CPED1: variants seen among roughly 807,000 people sequenced by gnomAD.
CPED1 encodes cadherin like and PC-esterase domain containing 1.
Under a neutral mutation model 128.2 loss-of-function variants are expected in CPED1, and 114 were observed. The ratio of observed to expected loss-of-function variants is 0.89; its 90% CI spans 0.76 to 1.04. The LOEUF is 1.04. Ranked by LOEUF, CPED1 falls within the 50% of genes least tolerant of loss-of-function variation. CPED1 has a pLI of 0.00. For missense variants in CPED1, 1,211 were observed against 1,207.1 expected (o/e 1.00, Z -0.05); for synonymous variants, 462 against 426.7 (o/e 1.08, Z -1.02).
At chr7:121,182,813 A>G (rs895539661) in intron 16 of CPED1, among the ~76,000 whole-genome samples, 3 of 152,048 alleles carry the variant, frequency 2.0e-5, no homozygotes, top group African/African-American at 7.2e-5. Flanking sequence ...TCACTGTGTC[A>G]TTGCGAACAT....
At chr7:121,041,412 G>A (rs1243300048) in intron 3 of CPED1, among the ~76,000 whole-genome samples, 1 of 151,898 alleles carries the variant, frequency 6.6e-6, no homozygotes, top group Non-Finnish European at 1.5e-5. Flanking sequence ...TCTGTGAGAT[G>A]GTGGTAAACA....
chr7:121,117,077 TTA>T (rs34007948), intron 7 of CPED1, among the ~76,000 whole-genome samples: 32,466 of 128,612 alleles, frequency 0.25, 4,203 homozygotes, highest in Middle Eastern at 0.38. Flanking sequence ...TATATACACA[TTA>T]TATATATATA....
At chr7:121,197,377 C>A (rs956522980) in intron 16 of CPED1, among the ~76,000 whole-genome samples, 13 of 152,112 alleles carry the variant, frequency 8.5e-5, no homozygotes, top group Admixed American at 8.5e-4. Flanking sequence ...ATGACTGCTG[C>A]TATGGATAAC....
intron 22 of CPED1, among the ~76,000 whole-genome samples, chr7:121,273,177 A>G (rs1042360045): frequency 6.6e-6 from 1 of 152,014 alleles, no homozygotes; most frequent in African/African-American, 2.4e-5. Flanking sequence ...GTGAGGTGAC[A>G]ACTAAAGTTT....
chr7:121,130,416 AT>A, intron 12 of CPED1, 122 bp downstream of exon 12: 2 of 686,616 alleles, frequency 2.9e-6, no homozygotes, highest in Non-Finnish European at 4.7e-6. Context: ...CCAAATTTCC[AT>A]GCTCAGGAAA....
At chr7:121,117,923 C>T (rs62469967) in intron 7 of CPED1, among the ~76,000 whole-genome samples, 1 of 32,552 alleles carries the variant, frequency 3.1e-5, no homozygotes, top group African/African-American at 8.6e-5. Context: ...AAAACATTTG[C>T]CAAAAAAAAA....
At chr7:121,206,407 T>C (rs1361873051) in intron 16 of CPED1, among the ~76,000 whole-genome samples, 5 of 151,612 alleles carry the variant, frequency 3.3e-5, no homozygotes, top group Non-Finnish European at 5.9e-5. Flanking sequence ...AGAATATAGT[T>C]TTCTTTACTA....
At chr7:121,183,138 T>G (rs1433298658) in intron 16 of CPED1, among the ~76,000 whole-genome samples, 2 of 152,280 alleles carry the variant, frequency 1.3e-5, no homozygotes, top group East Asian at 3.9e-4. Flanking sequence ...TGCTGAGTGC[T>G]TATCTAAACT....
rs562200027 is a variant in CPED1 at position 121,061,194 on chromosome 7, G to A, written c.541-3044G>A. The A allele has an allele frequency of 1.6e-5, 15 of 952,602 alleles. No homozygotes were observed. In the African/African-American group the frequency reaches 2.3e-4, roughly 15 times the overall value. The allele number at this position is 952,602 out of a possible 1,614,324, so 59.0% of individuals were successfully genotyped here. A position where few individuals can be genotyped will look rare whatever the true frequency, so the allele number is the denominator to read the frequency against. On this transcript the variant is annotated intron_variant, in intron 4 of 22. Coordinates refer to ENST00000310396, the MANE Select transcript of CPED1 (RefSeq NM_024913.5). ...AACCCACCAATTCCAGACACATTAG[G>A]ATTGTGAAAGGTATATTGGGATAGA...
intron 14 of CPED1, among the ~76,000 whole-genome samples, chr7:121,136,333 G>A (rs1314614800): frequency 1.3e-5 from 2 of 151,952 alleles, no homozygotes; most frequent in Non-Finnish European, 2.9e-5. Context: ...AGGGCTTTAG[G>A]AGTTGTAGGG....
chr7:121,063,556 AAGT>A (rs1793741712), intron 4 of CPED1, among the ~76,000 whole-genome samples: 1 of 152,078 alleles, frequency 6.6e-6, no homozygotes, highest in African/African-American at 2.4e-5. Context: ...GTTAATTTGA[AAGT>A]AATCAATATC....
intron 16 of CPED1, among the ~76,000 whole-genome samples, chr7:121,226,956 C>A (rs1046214991): frequency 1.2e-4 from 18 of 152,012 alleles, no homozygotes; most frequent in Non-Finnish European, 2.5e-4. Context: ...ATAATTCATT[C>A]CTTCAGAACA....
At chr7:121,002,295 G>A (rs1791882128) in intron 2 of CPED1, among the ~76,000 whole-genome samples, 1 of 152,078 alleles carries the variant, frequency 6.6e-6, no homozygotes, top group Admixed American at 6.6e-5. Flanking sequence ...AAATGGAACA[G>A]GAAATTAACT....
intron 5 of CPED1, among the ~76,000 whole-genome samples, chr7:121,078,478 T>C (rs147365816): frequency 0.021 from 2,332 of 113,640 alleles, 27 homozygotes; most frequent in Middle Eastern, 0.059. Context: ...AGATCCTGTC[T>C]CTGGAAAGAA....
intron 16 of CPED1, among the ~76,000 whole-genome samples, chr7:121,190,499 T>C (rs1797111376): frequency 6.6e-6 from 1 of 151,706 alleles, no homozygotes; most frequent in African/African-American, 2.4e-5. Context: ...TAAAAAGATA[T>C]GTCTGAATAT....
At chr7:121,124,140 C>T (rs1317382069) in intron 7 of CPED1, among the ~76,000 whole-genome samples, 191 bp from the exon 8 acceptor site, 1 of 152,106 alleles carries the variant, frequency 6.6e-6, no homozygotes, top group Admixed American at 6.6e-5. Flanking sequence ...ATTTAAATTA[C>T]AAGACATTTA....
At chr7:121,154,245 A>G (rs1188304751) in intron 16 of CPED1, among the ~76,000 whole-genome samples, 3 of 152,170 alleles carry the variant, frequency 2.0e-5, no homozygotes, top group South Asian at 2.1e-4. Context: ...TGCGCATCAC[A>G]GTAAAAAGGG....
chr7:121,093,324 C>T (rs1467825306), intron 5 of CPED1, among the ~76,000 whole-genome samples: 1 of 151,670 alleles, frequency 6.6e-6, no homozygotes, highest in African/African-American at 2.4e-5. Context: ...TGTGGCTCAA[C>T]CTATGCTATC....
At chr7:121,013,796 G>C (rs935779758) in intron 2 of CPED1, among the ~76,000 whole-genome samples, 23 of 152,206 alleles carry the variant, frequency 1.5e-4, no homozygotes, top group Non-Finnish European at 3.2e-4. Flanking sequence ...TATGGTTCCT[G>C]TCCTCAAAGG....
Sources: allele counts gnomAD v4.1 joint callset (sites outside exome capture counted in the v4.1 genomes callset), GRCh38; gene constraint gnomAD v4.1.1; transcripts MANE v1.5; gene names NCBI Gene and HGNC (gene_info 2026-07-23, HGNC 2026-07-21).